The following MARCHF1 variants were observed in gnomAD, a reference collection of about 807,000 sequenced individuals.
MARCHF1 encodes E3 ubiquitin-protein ligase MARCHF1.
In MARCHF1, 40 loss-of-function variants were observed where a neutral mutation model predicts 54.2. The observed-to-expected ratio is 0.74, with a 90% confidence interval of 0.57 to 0.96. The LOEUF is 0.96. Among genes scored for constraint, MARCHF1 ranks in the 40% least tolerant of loss-of-function variants. MARCHF1 has a pLI of 0.00. For missense variants in MARCHF1, 586 were observed against 656.5 expected (o/e 0.89, Z 1.17); for synonymous variants, 236 against 236.3 (o/e 1.00, Z 0.01).
At chr4:164,072,860 T>C (rs1754898650) in intron 2 of MARCHF1, among the ~76,000 whole-genome samples, 1 of 152,170 alleles carries the variant, frequency 6.6e-6, no homozygotes, top group African/African-American at 2.4e-5. Flanking sequence ...GTGAGAAATG[T>C]TTGCACCTGC....
chr4:164,313,821 C>G (rs1442308267), intron 1 of MARCHF1, among the ~76,000 whole-genome samples: 1 of 152,148 alleles, frequency 6.6e-6, no homozygotes, highest in African/African-American at 2.4e-5. Context: ...CTTCCTTTCC[C>G]ACATTCAATC....
intron 4 of MARCHF1, among the ~76,000 whole-genome samples, chr4:163,740,262 A>G (rs191985251): frequency 3.9e-5 from 6 of 152,194 alleles, no homozygotes; most frequent in East Asian, 1.9e-4. Context: ...GCTATTCACC[A>G]TTATATGTTT....
Position 163,832,537 on chromosome 4 carries a change from CAAATT to C in MARCHF1, c.111+21479_111+21483del, listed in dbSNP as rs796279611. Among the ~76,000 whole-genome samples the C allele has an allele frequency of 1.5e-3, 227 of 151,566 alleles. 1 individual carries two copies. The highest frequency in any genetic ancestry group is 4.6e-3 in the African/African-American group (189 of 41,378). On this transcript the variant is annotated intron_variant, in intron 4 of 9. Coordinates refer to ENST00000514618, the MANE Select transcript of MARCHF1 (RefSeq NM_001394959.1). ...TCTAGTAAAAACTCTAAAAACTTGACAAATTAAATTAGTTTCTTTCATCTAGCTCA... is the reference window on the plus strand; with the variant it reads ...TCTAGTAAAAACTCTAAAAACTTGACAAATTAGTTTCTTTCATCTAGCTCA...
intron 2 of MARCHF1, among the ~76,000 whole-genome samples, chr4:164,061,169 C>T (rs1754607900): frequency 1.3e-5 from 2 of 152,048 alleles, no homozygotes; most frequent in Non-Finnish European, 1.5e-5. Context: ...GCCTAATTCA[C>T]CACAGATCAT....
intron 9 of MARCHF1, among the ~76,000 whole-genome samples, chr4:163,544,168 T>A (rs185708644): frequency 1.3e-5 from 2 of 152,124 alleles, no homozygotes; most frequent in Non-Finnish European, 2.9e-5. Context: ...AGAGAGGACA[T>A]TGGATTTAAA....
chr4:163,565,652 A>G (rs758365304), intron 8 of MARCHF1, among the ~76,000 whole-genome samples: 65 of 152,144 alleles, frequency 4.3e-4, no homozygotes, highest in Non-Finnish European at 6.5e-4. Context: ...AGCAGGAGTA[A>G]AGTGGGTTTC....
chr4:164,101,434 TC>T (rs1263995541), intron 2 of MARCHF1, among the ~76,000 whole-genome samples: 1 of 119,128 alleles, frequency 8.4e-6, no homozygotes. Context: ...GCAGACTGCC[TC>T]CTCAAGTGGG....
At position 163,749,670 on chromosome 4, in the gene MARCHF1, C is replaced by T. The variant is rs551597208; in HGVS notation, c.112-48807G>A. On this transcript the variant is annotated intron_variant, in intron 4 of 9. Coordinates refer to ENST00000514618, the MANE Select transcript of MARCHF1 (RefSeq NM_001394959.1). ...ATTTTATTAAACACATTTTCTGAAT[C>T]TATTGAGTTGATAATATGATGTGGT... Among the ~76,000 whole-genome samples the T allele has an allele frequency of 1.1e-4, 16 of 152,048 alleles. No homozygotes were observed. The South Asian group carries it at 3.3e-3, about 32-fold the overall frequency.
At chr4:163,617,592 C>T (rs1309334029) in intron 5 of MARCHF1, among the ~76,000 whole-genome samples, 1 of 151,990 alleles carries the variant, frequency 6.6e-6, no homozygotes, top group Non-Finnish European at 1.5e-5. Context: ...ATCTTTTGAA[C>T]AGATAAATAG....
In MARCHF1 at chr4:163,687,554, C is replaced by T. The variant is rs112312734; in HGVS notation, c.162+13259G>A. Among the ~76,000 whole-genome samples the T allele has an allele frequency of 5.5e-3, 829 of 151,986 alleles. 11 individuals are homozygous for T. The highest frequency in any genetic ancestry group is 0.019 in the African/African-American group (791 of 41,436). The stretch of plus-strand genomic sequence containing the variant: ...AATTTTTTTCTGGTAGATTAAAGGC[C>T]TGTGATGAACCAAAAAGTAATTAAT... On this transcript the variant is annotated intron_variant, in intron 5 of 9. Transcript: ENST00000514618.
At chr4:164,038,937 A>C (rs1305230587) in intron 2 of MARCHF1, among the ~76,000 whole-genome samples, 2 of 152,206 alleles carry the variant, frequency 1.3e-5, no homozygotes, top group African/African-American at 4.8e-5. Flanking sequence ...TGAATAATCA[A>C]ATATAAAATA....
chr4:164,144,468 G>T (rs1289817566), intron 1 of MARCHF1, among the ~76,000 whole-genome samples: 1,968 of 150,064 alleles, frequency 0.013, 37 homozygotes, highest in African/African-American at 0.045. Flanking sequence ...TATAACAAAC[G>T]ATCTCTCAGA....
chr4:163,890,136 G>A (rs28439140), intron 3 of MARCHF1, among the ~76,000 whole-genome samples: 4,763 of 146,974 alleles, frequency 0.032, 221 homozygotes, highest in East Asian at 0.18. Context: ...GGGTTTCACC[G>A]TGTTAGCCAG....
At chr4:164,150,431 T>C (rs1338045640) in intron 1 of MARCHF1, among the ~76,000 whole-genome samples, 1 of 152,162 alleles carries the variant, frequency 6.6e-6, no homozygotes, top group South Asian at 2.1e-4. Context: ...TCGTTACATA[T>C]AACAAGCAAC....
intron 4 of MARCHF1, among the ~76,000 whole-genome samples, chr4:163,812,408 T>C (rs1425865445): frequency 1.3e-5 from 2 of 152,056 alleles, no homozygotes; most frequent in Non-Finnish European, 2.9e-5. Flanking sequence ...ATTCAGGTAG[T>C]TTTGGAAGCT....
intron 5 of MARCHF1, among the ~76,000 whole-genome samples, chr4:163,698,839 A>G (rs1287500482): frequency 6.6e-6 from 1 of 152,214 alleles, no homozygotes; most frequent in Non-Finnish European, 1.5e-5. Flanking sequence ...CTTATTCAAC[A>G]TTAGTATTCA....
At chr4:163,922,091 C>G (rs1751443125) in intron 3 of MARCHF1, among the ~76,000 whole-genome samples, 2 of 151,920 alleles carry the variant, frequency 1.3e-5, no homozygotes, top group Non-Finnish European at 2.9e-5. Flanking sequence ...AAGCTGGAAA[C>G]CATCATTCTC....
intron 7 of MARCHF1, among the ~76,000 whole-genome samples, chr4:163,591,379 A>C (rs12641443): frequency 6.6e-6 from 1 of 151,844 alleles, no homozygotes; most frequent in African/African-American, 2.4e-5. Flanking sequence ...TTCCTTCCCT[A>C]CAATGCTCTC....
chr4:163,760,808 G>T (rs763863584), intron 4 of MARCHF1, among the ~76,000 whole-genome samples: 1 of 152,020 alleles, frequency 6.6e-6, no homozygotes, highest in Admixed American at 6.5e-5. Context: ...CTAATTATGG[G>T]TTAGCCAACA....
Sources: allele counts gnomAD v4.1 joint callset (sites outside exome capture counted in the v4.1 genomes callset), GRCh38; gene constraint gnomAD v4.1.1; transcripts MANE v1.5; gene names NCBI Gene and HGNC (gene_info 2026-07-23, HGNC 2026-07-21).